Variants in PREX1 observed in about 807,000 individuals in gnomAD.
PREX1 encodes phosphatidylinositol-3,4,5-trisphosphate dependent Rac exchange factor 1.
A neutral mutation model predicts 198.3 loss-of-function variants in PREX1; 41 were observed. The ratio of observed to expected loss-of-function variants is 0.21; its 90% CI spans 0.16 to 0.27. PREX1 has a LOEUF of 0.27. Ranked by LOEUF, PREX1 falls within the 10% of genes least tolerant of loss-of-function variation. The pLI is 1.00. For synonymous variants in PREX1, 843 were observed against 887.2 expected (o/e 0.95, Z 0.89); for missense variants, 1,620 against 2,200.7 (o/e 0.74, Z 5.28).
At chr20:48,765,108 A>G (rs911726432) in intron 1 of PREX1, among the ~76,000 whole-genome samples, 4 of 152,236 alleles carry the variant, frequency 2.6e-5, no homozygotes, top group African/African-American at 9.7e-5. Flanking sequence ...AAACATGTAC[A>G]CGAAAGAAAA....
chr20:48,638,296 G>A (rs1372921095), intron 30 of PREX1, among the ~76,000 whole-genome samples: 1 of 151,840 alleles, frequency 6.6e-6, no homozygotes, highest in Non-Finnish European at 1.5e-5. Flanking sequence ...ACACACACAG[G>A]TACACACACA....
Position 48,685,702 on chromosome 20 carries a change from G to A in PREX1, c.1334+2955C>T, listed in dbSNP as rs375022029. Among the ~76,000 whole-genome samples, 4 of 152,234 alleles carry A rather than the reference G, an allele frequency of 2.6e-5. No individual in the cohort carries two copies. The East Asian group carries it at 7.7e-4, about 29-fold the overall frequency. Reference sequence around the variant, plus strand: ...AGCACCTTGGGAAGCCAAGGCGAGAGCATTTGCAAGACCCCCATCTGTACA... The same window carrying A: ...AGCACCTTGGGAAGCCAAGGCGAGAACATTTGCAAGACCCCCATCTGTACA... On this transcript the variant is annotated intron_variant, in intron 10 of 39. Coordinates refer to ENST00000371941, the MANE Select transcript of PREX1 (RefSeq NM_020820.4).
chr20:48,769,837 T>C (rs972255803), intron 1 of PREX1, among the ~76,000 whole-genome samples: 22 of 152,208 alleles, frequency 1.4e-4, no homozygotes, highest in Admixed American at 2.0e-4. Context: ...TGTTTTTCCA[T>C]AGCACTTACC....
At position 48,637,759 on chromosome 20, in the gene PREX1, G is replaced by A. The variant is rs770989657; in HGVS notation, c.3905-7C>T. 2 of 1,611,530 alleles carry A rather than the reference G, an allele frequency of 1.2e-6. No homozygotes were observed. The highest frequency in any genetic ancestry group is 1.7e-6 in the Non-Finnish European group (2 of 1,178,862). On this transcript the variant is annotated splice_polypyrimidine_tract_variant and splice_region_variant and intron_variant, in intron 30 of 39. Coordinates refer to ENST00000371941, the MANE Select transcript of PREX1 (RefSeq NM_020820.4). ...AGCAGCTGGTTCTTCCCATCTGGAA[G>A]GAGAAGGGAGACAGAAAGGGGGACG...
At chr20:48,654,911 G>A (rs1014247479) in intron 19 of PREX1, among the ~76,000 whole-genome samples, 1 of 152,222 alleles carries the variant, frequency 6.6e-6, no homozygotes, top group African/African-American at 2.4e-5. Flanking sequence ...TAGAAGTATT[G>A]CGGCAGAGCC....
chr20:48,683,919 TAAGGTCAGGA>T (rs1401010195), intron 10 of PREX1, among the ~76,000 whole-genome samples: 2 of 151,114 alleles, frequency 1.3e-5, no homozygotes, highest in African/African-American at 4.9e-5. Context: ...CCCTGAGAGG[TAAGGTCAGGA>T]AACCAGCGAT....
At chr20:48,674,183 G>T (rs2089694213) in intron 14 of PREX1, among the ~76,000 whole-genome samples, 1 of 152,196 alleles carries the variant, frequency 6.6e-6, no homozygotes, top group Non-Finnish European at 1.5e-5. Context: ...AGGACATAGG[G>T]TCCCATATCA....
At chr20:48,659,593 C>T (rs930911142) in intron 16 of PREX1, among the ~76,000 whole-genome samples, 3 of 151,892 alleles carry the variant, frequency 2.0e-5, no homozygotes, top group Admixed American at 6.6e-5. Flanking sequence ...CTGCAGGCCA[C>T]GCGTTAAGAT....
upstream of PREX1, among the ~76,000 whole-genome samples, chr20:48,828,092 G>GC (rs944793200): frequency 6.8e-6 from 1 of 147,922 alleles, no homozygotes; most frequent in African/African-American, 2.4e-5. Context: ...CAGACGGCTG[G>GC]CCCCCCGCCC....
At chr20:48,806,994 A>G (rs889735004) in intron 1 of PREX1, among the ~76,000 whole-genome samples, 12 of 152,208 alleles carry the variant, frequency 7.9e-5, no homozygotes, top group African/African-American at 2.7e-4. Context: ...ACAGTCAGAG[A>G]ACGCCTCTTC....
At chr20:48,843,414 C>T in the PREX1 span, among the ~76,000 whole-genome samples, 1 of 152,136 alleles carries the variant, frequency 6.6e-6, no homozygotes, top group African/African-American at 2.4e-5. Flanking sequence ...GAGGAATGGT[C>T]CCCACAAGGT....
the PREX1 span, among the ~76,000 whole-genome samples, chr20:48,866,350 C>G: frequency 6.6e-6 from 1 of 152,124 alleles, no homozygotes; most frequent in African/African-American, 2.4e-5. Flanking sequence ...CTAACAGCAA[C>G]CTGGGTCCTG....
chr20:48,836,615 C>T, the PREX1 span, among the ~76,000 whole-genome samples: 1 of 152,038 alleles, frequency 6.6e-6, no homozygotes, highest in South Asian at 2.1e-4. Context: ...TAAATGAGGA[C>T]ATTAAGAACC....
chr20:48,809,634 A>G (rs1164227287), intron 1 of PREX1, among the ~76,000 whole-genome samples: 1 of 152,216 alleles, frequency 6.6e-6, no homozygotes, highest in East Asian at 1.9e-4. Context: ...TTATTTCAAA[A>G]TCTTCAAGAT....
At chr20:48,652,453 A>C in intron 21 of PREX1, 133 bp downstream of exon 21, 1 of 1,326,580 alleles carries the variant, frequency 7.5e-7, no homozygotes, top group Non-Finnish European at 1.0e-6. Context: ...AAAGGAAAAA[A>C]AAAACAAACC....
chr20:48,850,684 A>G, the PREX1 span, among the ~76,000 whole-genome samples: 3 of 152,284 alleles, frequency 2.0e-5, no homozygotes, highest in South Asian at 4.1e-4. Context: ...CCATGACTAC[A>G]GGATCTGAGA....
the PREX1 span, among the ~76,000 whole-genome samples, chr20:48,857,196 T>G: frequency 6.6e-6 from 1 of 152,180 alleles, no homozygotes; most frequent in Admixed American, 6.5e-5. Context: ...AGAGAAGATA[T>G]TGGGCTCTTT....
intron 1 of PREX1, among the ~76,000 whole-genome samples, chr20:48,750,438 G>A (rs1207516548): frequency 6.6e-6 from 1 of 152,110 alleles, no homozygotes; most frequent in Non-Finnish European, 1.5e-5. Context: ...TGGTCCCCAT[G>A]ATCTTGTCCT....
rs561847030 is a variant in PREX1, at chr20:48,747,259, C to G, written c.291+550G>C. Among the ~76,000 whole-genome samples, 35 of 152,332 alleles carry G rather than the reference C, an allele frequency of 2.3e-4. No homozygotes were observed. The Middle Eastern group carries it at 0.01, about 44-fold the overall frequency. On this transcript the variant is annotated intron_variant, in intron 2 of 39. Coordinates refer to ENST00000371941, the MANE Select transcript of PREX1 (RefSeq NM_020820.4). Reference sequence around the variant, plus strand: ...AAAGGCAGCTCAGAGAGTGAGGTCACACAGAAAGCCAGGCCTGGAGAGCCA... The same window carrying G: ...AAAGGCAGCTCAGAGAGTGAGGTCAGACAGAAAGCCAGGCCTGGAGAGCCA...
Sources: allele counts gnomAD v4.1 joint callset (sites outside exome capture counted in the v4.1 genomes callset), GRCh38; gene constraint gnomAD v4.1.1; transcripts MANE v1.5; gene names NCBI Gene and HGNC (gene_info 2026-07-23, HGNC 2026-07-21).